The following GRM7 variants were observed in gnomAD, a reference collection of about 807,000 sequenced individuals.
GRM7 encodes glutamate metabotropic receptor 7.
Under a neutral mutation model 84.5 loss-of-function variants are expected in GRM7, and 35 were observed. The ratio of observed to expected loss-of-function variants is 0.41; its 90% CI spans 0.32 to 0.55. The LOEUF is 0.55. GRM7 is among the 20% of genes least tolerant of loss of function. The pLI, the probability that GRM7 is intolerant of heterozygous loss-of-function variation, is 0.19. For missense variants in GRM7, 1,003 were observed against 1,194.6 expected (o/e 0.84, Z 2.36); for synonymous variants, 487 against 455.1 (o/e 1.07, Z -0.89).
chr3:7,014,530 G>C (rs1389821784), intron 1 of GRM7, among the ~76,000 whole-genome samples: 2 of 151,844 alleles, frequency 1.3e-5, no homozygotes, highest in African/African-American at 2.4e-5. Context: ...TTAGTAGGCT[G>C]GTCTTGAACT....
At chr3:7,728,213 G>A (rs1702198313) in intron 9 of GRM7, among the ~76,000 whole-genome samples, 1 of 152,118 alleles carries the variant, frequency 6.6e-6, no homozygotes, top group African/African-American at 2.4e-5. Flanking sequence ...GACCGAACCG[G>A]GTCTGGCTGT....
chr3:7,689,528 G>A (rs1219726147), intron 9 of GRM7, among the ~76,000 whole-genome samples: 2 of 152,160 alleles, frequency 1.3e-5, no homozygotes, highest in Admixed American at 6.5e-5. Flanking sequence ...TAAGAGGTCT[G>A]TGAGACACCA....
At chr3:7,374,959 A>C (rs982503193) in intron 4 of GRM7, among the ~76,000 whole-genome samples, 1 of 152,042 alleles carries the variant, frequency 6.6e-6, no homozygotes, top group Admixed American at 6.6e-5. Context: ...CAAACTCTGA[A>C]ACTGTGACCT....
intron 8 of GRM7, among the ~76,000 whole-genome samples, chr3:7,587,288 A>G (rs1057035996): frequency 2.0e-5 from 3 of 152,182 alleles, no homozygotes; most frequent in Non-Finnish European, 4.4e-5. Flanking sequence ...TATATTTGTA[A>G]TGATATTACA....
intron 4 of GRM7, among the ~76,000 whole-genome samples, chr3:7,339,352 A>G (rs12487798): frequency 0.39 from 59,746 of 151,966 alleles, 11,953 homozygotes; most frequent in South Asian, 0.47. Flanking sequence ...AAGCCAGCCT[A>G]AGACATGGGA....
At chr3:7,333,698 TAAAG>T (rs1280735668) in intron 4 of GRM7, among the ~76,000 whole-genome samples, 1 of 78,748 alleles carries the variant, frequency 1.3e-5, no homozygotes, top group East Asian at 4.0e-4. Flanking sequence ...AAAACCAACA[TAAAG>T]AAATTAAAAA....
chr3:7,634,148 G>A (rs749277772), intron 8 of GRM7, among the ~76,000 whole-genome samples: 3 of 152,062 alleles, frequency 2.0e-5, no homozygotes, highest in Non-Finnish European at 4.4e-5. Flanking sequence ...TCAGAATTAT[G>A]CTTGGATGAC....
At chr3:7,230,381 A>G (rs1036172071) in intron 2 of GRM7, among the ~76,000 whole-genome samples, 10 of 152,118 alleles carry the variant, frequency 6.6e-5, no homozygotes, top group African/African-American at 2.4e-4. Flanking sequence ...CTAGGTTTTC[A>G]TCTCATCTGT....
rs1694748996 is a variant in GRM7 at position 6,861,415 on chromosome 3, C to T, written c.27C>T (p.Arg9=). Residue 9 remains arginine (R), a synonymous_variant, in exon 1 of 10, where the codon CGC becomes CGT. Coordinates refer to ENST00000357716, the MANE Select transcript of GRM7 (RefSeq NM_000844.4). This position sits in a 1 kb window ranked among gnomAD's most constrained non-coding sequence, Gnocchi z 6.4. The part of the protein sequence containing the change: MVQLRKLL[R]VLTLMKFPCC... ...TGGTCCAGCTGAGGAAGCTGCTCCG[C>T]GTCCTGACTTTGATGAAGTTCCCCT... 7.5e-6 allele frequency: 12 copies of T among 1,594,672 alleles called. No homozygotes were observed. Among genetic ancestry groups the T allele is most frequent in the Non-Finnish European group, 1.0e-5 (12 of 1,172,904 alleles).
intron 5 of GRM7, among the ~76,000 whole-genome samples, chr3:7,424,748 G>C (rs1197568633): frequency 6.6e-6 from 1 of 152,170 alleles, no homozygotes; most frequent in Non-Finnish European, 1.5e-5. Context: ...TTGCTTTCAG[G>C]GAGCTTTTAT....
At chr3:6,963,332 A>G (rs971308671) in intron 1 of GRM7, among the ~76,000 whole-genome samples, 7 of 152,234 alleles carry the variant, frequency 4.6e-5, no homozygotes, top group African/African-American at 1.7e-4. Context: ...CTATATAATT[A>G]AGAACAACAT....
chr3:7,314,092 G>C (rs981210937), intron 4 of GRM7, among the ~76,000 whole-genome samples: 4 of 152,100 alleles, frequency 2.6e-5, no homozygotes, highest in African/African-American at 9.7e-5. Context: ...TATTATTGGA[G>C]GGTTTCATTG....
At chr3:7,368,878 G>A (rs1694018466) in intron 4 of GRM7, among the ~76,000 whole-genome samples, 1 of 116,616 alleles carries the variant, frequency 8.6e-6, no homozygotes, top group South Asian at 3.4e-4. Context: ...TTACAAACAT[G>A]TTGAATTTTT....
At chr3:6,883,058 C>T (rs555548982) in intron 1 of GRM7, among the ~76,000 whole-genome samples, 1 of 151,622 alleles carries the variant, frequency 6.6e-6, no homozygotes, top group Admixed American at 6.6e-5. Context: ...GATTCTCACA[C>T]TCTCTACAGT....
chr3:7,215,613 T>C (rs758393279), intron 2 of GRM7, among the ~76,000 whole-genome samples: 110 of 151,892 alleles, frequency 7.2e-4, no homozygotes, highest in Non-Finnish European at 1.3e-3. Context: ...TGCAGTGAGC[T>C]GAGATCGCGC....
intron 4 of GRM7, among the ~76,000 whole-genome samples, chr3:7,326,480 A>C (rs923496695): frequency 2.0e-5 from 3 of 152,148 alleles, no homozygotes; most frequent in African/African-American, 7.2e-5. Context: ...TCATTAGTTA[A>C]TGGGGTTTAA....
At chr3:7,600,190 G>C (rs1408343674) in intron 8 of GRM7, among the ~76,000 whole-genome samples, 1 of 151,848 alleles carries the variant, frequency 6.6e-6, no homozygotes, top group Non-Finnish European at 1.5e-5. Context: ...TGTTTTCGGT[G>C]GTTACTTAAA....
intron 3 of GRM7, among the ~76,000 whole-genome samples, chr3:7,304,638 C>A (rs1700126517): frequency 6.6e-6 from 1 of 151,748 alleles, no homozygotes; most frequent in Admixed American, 6.6e-5. Context: ...AATCTTATTT[C>A]TTATTTTCCA....
intron 9 of GRM7, among the ~76,000 whole-genome samples, chr3:7,736,931 A>G (rs1452856137): frequency 6.6e-6 from 1 of 152,192 alleles, no homozygotes; most frequent in Non-Finnish European, 1.5e-5. Flanking sequence ...ATCACTTAAA[A>G]TATAAAGAAA....
Sources: allele counts gnomAD v4.1 joint callset (sites outside exome capture counted in the v4.1 genomes callset), GRCh38; gene constraint gnomAD v4.1.1; non-coding constraint Gnocchi (gnomAD v3.1); transcripts MANE v1.5; gene names NCBI Gene and HGNC (gene_info 2026-07-23, HGNC 2026-07-21).